The following GTF3C2 variants were observed in gnomAD, a reference collection of about 807,000 sequenced individuals.
The protein encoded by GTF3C2 is general transcription factor 3C polypeptide 2.
A neutral mutation model predicts 117.4 loss-of-function variants in GTF3C2; 17 were observed. The observed-to-expected ratio is 0.14, with a 90% CI of 0.10 to 0.22. The LOEUF is 0.22. Among genes scored for constraint, GTF3C2 ranks in the 10% least tolerant of loss-of-function variants. The probability of loss-of-function intolerance (pLI) is 1.00; values close to 1 mark genes in which losing one functional copy is unlikely to be tolerated. For synonymous variants in GTF3C2, 437 were observed against 427.0 expected, an observed-to-expected ratio of 1.02 and a Z score of -0.29; for missense variants, 888 against 1,143.6, an observed-to-expected ratio of 0.78 and a Z score of 3.22.
At chr2:27,330,893 T>C (rs1045266174) in intron 12 of GTF3C2, among the ~76,000 whole-genome samples, 4 of 151,736 alleles carry the variant, frequency 2.6e-5, no homozygotes, top group Admixed American at 6.6e-5. Context: ...ACTCGGGAGA[T>C]AGAGGTTGCA....
At chr2:27,337,433 C>G (rs774663423) in intron 6 of GTF3C2, 48 bp downstream of exon 6, 6 of 1,471,556 alleles carry the variant, frequency 4.1e-6, no homozygotes, top group Non-Finnish European at 5.7e-6. Flanking sequence ...CCTTTCGTCT[C>G]CAGTGGTGTC....
rs1354382663 is a variant in GTF3C2 at position 27,331,576 on chromosome 2, C to T, written c.1733-2053G>A. ...TCTTGACCTGGTGATCTGCCCGCCTCGGCCTTCCAAAGTGCTGGGATTACC... is the reference window on the plus strand; with the variant it reads ...TCTTGACCTGGTGATCTGCCCGCCTTGGCCTTCCAAAGTGCTGGGATTACC... On this transcript the variant is annotated intron_variant, in intron 12 of 18. Transcript: ENST00000264720. Among the ~76,000 whole-genome samples, 7 of 152,170 alleles carry T rather than the reference C, an allele frequency of 4.6e-5. No homozygotes were observed. The South Asian group carries it at 6.2e-4, about 14-fold the overall frequency.
At chr2:27,336,539 CAA>C in intron 7 of GTF3C2, 114 bp from the exon 8 acceptor site, 1 of 643,166 alleles carries the variant, frequency 1.6e-6, no homozygotes, top group South Asian at 1.9e-5. Context: ...GCCTGAATAT[CAA>C]AAACAGTTTA....
chr2:27,351,419 T>C (rs1219973301), intron 1 of GTF3C2, among the ~76,000 whole-genome samples: 1 of 151,890 alleles, frequency 6.6e-6, no homozygotes, highest in Non-Finnish European at 1.5e-5. Context: ...ATCTCAAAAA[T>C]ATAAAATAAA....
chr2:27,339,961 T>C (rs1276841239), intron 4 of GTF3C2: 1 of 125,874 alleles, frequency 7.9e-6, no homozygotes, highest in Non-Finnish European at 1.6e-5. Flanking sequence ...CACTCCAGCC[T>C]GGGTGACAGA....
chr2:27,334,037 C>G, intron 10 of GTF3C2, 38 bp from the exon 11 acceptor site: 1 of 1,553,584 alleles, frequency 6.4e-7, no homozygotes, highest in East Asian at 2.2e-5. Flanking sequence ...TCTATGGATC[C>G]CAAGGACTCA....
At chr2:27,335,859 G>C (rs1255458932) in intron 9 of GTF3C2, 58 bp downstream of exon 9, 1 of 1,233,194 alleles carries the variant, frequency 8.1e-7, no homozygotes, top group Admixed American at 1.8e-5. Context: ...AGAATTCCCA[G>C]GGCCTCTTTG....
chr2:27,356,170 G>C, intron 1 of GTF3C2: 1 of 1,089,198 alleles, frequency 9.2e-7, no homozygotes, highest in Non-Finnish European at 1.2e-6. Flanking sequence ...CAGCCAACTT[G>C]CCACGGGACA....
chr2:27,341,682 G>A (rs1241646244), intron 4 of GTF3C2: 4 of 442,564 alleles, frequency 9.0e-6, no homozygotes, highest in African/African-American at 3.9e-5. Flanking sequence ...GAACTTGTGA[G>A]GCAGGATACA....
At chr2:27,335,575 A>T (rs1012473327) in intron 10 of GTF3C2, 23 bp downstream of exon 10, 3 of 1,337,998 alleles carry the variant, frequency 2.2e-6, no homozygotes, top group Middle Eastern at 3.6e-4. Flanking sequence ...CAGCAGCCCC[A>T]TTCTCCTTGC....
chr2:27,344,126 G>C lies in GTF3C2; in HGVS notation c.-24-548C>G, dbSNP rs914004514. ...TACAACCTCCACCTCCTGGGTTCAA[G>C]CAATTCTCCTGCCTCAGCCTCCTGA... On this transcript the variant is annotated intron_variant, in intron 1 of 18. Coordinates refer to ENST00000264720, the Ensembl canonical transcript of GTF3C2. Among the ~76,000 whole-genome samples the C allele has an allele frequency of 2.6e-5, 4 of 151,684 alleles. No individual in the cohort carries two copies. The East Asian group carries it at 7.8e-4, about 29-fold the overall frequency.
chr2:27,340,435 T>A (rs1251678008), intron 4 of GTF3C2: 3 of 151,830 alleles, frequency 2.0e-5, no homozygotes, highest in Non-Finnish European at 4.4e-5. Context: ...GGTTTCACTA[T>A]GTTGGCCAAG....
intron 1 of GTF3C2, among the ~76,000 whole-genome samples, chr2:27,349,587 G>A (rs1681052596): frequency 6.6e-6 from 1 of 151,150 alleles, no homozygotes; most frequent in Non-Finnish European, 1.5e-5. Flanking sequence ...GAGTTTTGAT[G>A]ACAATAGTAA....
intron 10 of GTF3C2, 26 bp downstream of exon 10, chr2:27,335,572 C>T (rs1422101540): frequency 7.8e-7 from 1 of 1,280,788 alleles, no homozygotes; most frequent in South Asian, 1.3e-5. Context: ...CTACAGCAGC[C>T]CCATTCTCCT....
chr2:27,355,033 G>T (rs1681280829), intron 1 of GTF3C2, among the ~76,000 whole-genome samples: 1 of 151,848 alleles, frequency 6.6e-6, no homozygotes, highest in Non-Finnish European at 1.5e-5. Context: ...ACTACCAAAC[G>T]GCTCACCAAA....
rs1468101871 is a variant in GTF3C2 at position 27,337,575 on chromosome 2, A to G, written c.951-17T>C. 5.8e-6 allele frequency: 9 copies of G among 1,551,384 alleles called. No individual in the cohort carries two copies. The highest frequency in any genetic ancestry group is 7.1e-6 in the Non-Finnish European group (8 of 1,123,048). On this transcript the variant is annotated splice_polypyrimidine_tract_variant and intron_variant, in intron 5 of 18. Transcript: ENST00000264720. ...TGCTCTCGGCTGGAGAAACAGAAGA[A>G]GCATTAATGAAGGAGAGGGATTCTA... is the stretch of plus-strand genomic sequence containing the variant.
chr2:27,356,241 G>T, intron 1 of GTF3C2: 1 of 499,388 alleles, frequency 2.0e-6, no homozygotes, highest in Non-Finnish European at 3.7e-6. Context: ...TGCAGCGCGC[G>T]GGGCACAACC....
Position 27,333,645 on chromosome 2 carries a change from G to A in GTF3C2, c.1732+10C>T. On this transcript the variant is annotated intron_variant, in intron 12 of 18. Coordinates refer to ENST00000264720, the Ensembl canonical transcript of GTF3C2. Reference sequence around the variant, plus strand: ...CAATAGTTCCTTATGTTTTATTTTGGTTTTTTTACCATTATAATATCCAGC... The same window carrying A: ...CAATAGTTCCTTATGTTTTATTTTGATTTTTTTACCATTATAATATCCAGC... 2 of 1,590,984 alleles carry A rather than the reference G, an allele frequency of 1.3e-6. No homozygotes were observed. The highest frequency in any genetic ancestry group is 1.8e-5 in the Admixed American group (1 of 54,696).
At chr2:27,334,660 T>TC (rs2148270870) in intron 10 of GTF3C2, among the ~76,000 whole-genome samples, 1 of 151,302 alleles carries the variant, frequency 6.6e-6, no homozygotes, top group Admixed American at 6.6e-5. Context: ...TTTTTTTTTT[T>TC]CAGACAGCAT....
Sources: gnomAD v4.1 joint callset for allele counts (sites outside exome capture counted in the v4.1 genomes callset) on GRCh38, gnomAD v4.1.1 for gene constraint, MANE v1.5 for transcripts, NCBI Gene and HGNC (gene_info 2026-07-23, HGNC 2026-07-21) for gene names.